HEATR4: variants seen among roughly 807,000 people sequenced by gnomAD.
HEATR4 encodes HEAT repeat-containing protein 4.
A neutral mutation model predicts 108.8 loss-of-function variants in HEATR4; 95 were observed. The observed-to-expected ratio is 0.87, with a 90% CI of 0.74 to 1.04. The LOEUF (loss-of-function observed/expected upper bound fraction) is 1.04, where lower values mean the gene tolerates loss of function less well. HEATR4 is among the 50% of genes least tolerant of loss of function. HEATR4 has a pLI of 0.00. For missense variants in HEATR4, 1,152 were observed against 1,253.8 expected (o/e 0.92, Z 1.23); for synonymous variants, 443 against 459.4 (o/e 0.96, Z 0.46).
intron 2 of HEATR4, among the ~76,000 whole-genome samples, chr14:73,523,462 G>A (rs1397688390): frequency 6.6e-6 from 1 of 152,142 alleles, no homozygotes; most frequent in Admixed American, 6.6e-5. Context: ...TCCGTGTGAG[G>A]GATGACTGCT....
Position 73,508,217 on chromosome 14 carries a change from T to A in HEATR4, c.1798A>T (p.Ile600Phe). 1.9e-6 allele frequency: 3 copies of A among 1,613,970 alleles called. No individual in the cohort carries two copies. The highest frequency in any genetic ancestry group is 1.1e-5 in the South Asian group (1 of 91,078). The change falls in exon 9 of 18, where the codon ATC (isoleucine) becomes TTC (phenylalanine). Residue 600 changes from isoleucine to phenylalanine, a missense_variant. Transcript: ENST00000553558. ...GTATYPVIKR[I>F]LHQLFTKKNE... is the part of the protein sequence containing the mutation. ...TTCTTTGTAAACAGCTGGTGGAGGATCCTCTTAATCACAGGGTAAGTAGCA... is the reference window on the plus strand; with the variant it reads ...TTCTTTGTAAACAGCTGGTGGAGGAACCTCTTAATCACAGGGTAAGTAGCA...
chr14:73,529,054 T>A (rs1269534129), intron 2 of HEATR4: 2 of 152,022 alleles, frequency 1.3e-5, no homozygotes, highest in Non-Finnish European at 2.9e-5. Context: ...GTACACAGCA[T>A]AAAAAATTAA....
intron 17 of HEATR4, among the ~76,000 whole-genome samples, chr14:73,479,460 C>T (rs1325732003): frequency 3.7e-5 from 4 of 108,824 alleles, no homozygotes; most frequent in Non-Finnish European, 7.0e-5. Context: ...TTTTTTGAGA[C>T]GGAGTTTCGC....
the HEATR4 span, among the ~76,000 whole-genome samples, chr14:73,629,186 C>A: frequency 1.3e-5 from 2 of 152,106 alleles, 1 homozygote; most frequent in South Asian, 4.1e-4. Flanking sequence ...CCACTGAAGT[C>A]TCAGATAATC....
chr14:73,597,371 A>C, the HEATR4 span, among the ~76,000 whole-genome samples: 11,220 of 151,904 alleles, frequency 0.074, 590 homozygotes, highest in Non-Finnish European at 0.11. Context: ...GGCGTGAGCC[A>C]CCATGCCCGG....
the HEATR4 span, among the ~76,000 whole-genome samples, chr14:73,602,516 A>G: frequency 5.3e-5 from 8 of 152,102 alleles, no homozygotes; most frequent in African/African-American, 1.4e-4. Flanking sequence ...TTTTTGCCTA[A>G]TAAATACAGA....
chr14:73,583,925 C>T, the HEATR4 span, among the ~76,000 whole-genome samples: 1 of 151,798 alleles, frequency 6.6e-6, no homozygotes, highest in African/African-American at 2.4e-5. Context: ...GCTCGAACCC[C>T]GGGAGGCCGA....
At chr14:73,583,537 A>AGGT in the HEATR4 span, among the ~76,000 whole-genome samples, 1 of 128,068 alleles carries the variant, frequency 7.8e-6, no homozygotes, top group Non-Finnish European at 1.7e-5. Flanking sequence ...TAGGAATGTC[A>AGGT]GGTGATGGTT....
At chr14:73,585,932 C>G in the HEATR4 span, among the ~76,000 whole-genome samples, 1 of 140,932 alleles carries the variant, frequency 7.1e-6, no homozygotes, top group Non-Finnish European at 1.5e-5. Flanking sequence ...CTGCTTGAAC[C>G]TGGGAGGTGG....
Position 73,478,591 on chromosome 14 carries a change from A to C in HEATR4, c.*15T>G. The stretch of plus-strand genomic sequence containing the variant: ...CCACTGCTTCCTGCATCTTGAAGTA[A>C]GACAAGTGTTCAGCTTAGAGATGAG... On this transcript the variant is annotated 3_prime_UTR_variant, in exon 18 of 18. Coordinates refer to ENST00000553558, the MANE Select transcript of HEATR4 (RefSeq NM_001220484.1). 1 of 1,555,578 alleles carries C rather than the reference A, an allele frequency of 6.4e-7. No homozygotes were observed. Among genetic ancestry groups the C allele is most frequent in the Non-Finnish European group, 8.9e-7 (1 of 1,128,452 alleles).
At position 73,531,602 on chromosome 14, in the gene HEATR4, T is replaced by C. The variant is rs1415010590; in HGVS notation, c.-151-1358A>G. Among the ~76,000 whole-genome samples, 30 of 104,134 alleles carry C rather than the reference T, an allele frequency of 2.9e-4. 9 individuals carry two copies. Among genetic ancestry groups the C allele is most frequent in the Non-Finnish European group, 5.3e-4 (26 of 48,922 alleles). 68.3% of individuals were successfully genotyped at this position (104,134 alleles called of 152,430 possible). ...TGTTGTACTTTTAGTAGAGATGGGG[T>C]TTCACCATATTGGCCAGGCTGTTCT... On this transcript the variant is annotated intron_variant, in intron 1 of 17. Coordinates refer to ENST00000553558, the MANE Select transcript of HEATR4 (RefSeq NM_001220484.1).
chr14:73,574,948 G>C, the HEATR4 span: 2 of 1,604,576 alleles, frequency 1.2e-6, no homozygotes, highest in East Asian at 2.2e-5. Flanking sequence ...ATTTCCAAAG[G>C]GGGTGAGCTC....
chr14:73,494,435 G>A (rs553186838), intron 16 of HEATR4, among the ~76,000 whole-genome samples: 28 of 152,284 alleles, frequency 1.8e-4, no homozygotes, highest in Non-Finnish European at 3.8e-4. Flanking sequence ...TGTTATTTAA[G>A]GTTGAGAACT....
In HEATR4 at chr14:73,546,772, C is replaced by T. The variant is rs1250735887; in HGVS notation, c.-152+11979G>A. Among the ~76,000 whole-genome samples the T allele has an allele frequency of 1.9e-4, 21 of 111,608 alleles. 5 individuals carry two copies. The highest frequency in any genetic ancestry group is 5.9e-4 in the African/African-American group (21 of 35,662). 73.2% of individuals were successfully genotyped at this position (111,608 alleles called of 152,430 possible). ...GAAAAGTTCATTAAACTAACATGCT[C>T]CATAATGATTCACTTATTTATTTGA... is the stretch of plus-strand genomic sequence containing the variant. On this transcript the variant is annotated intron_variant, in intron 1 of 17. Transcript: ENST00000553558.
chr14:73,517,949 G>A (rs1038535672), intron 5 of HEATR4, among the ~76,000 whole-genome samples: 3 of 152,036 alleles, frequency 2.0e-5, no homozygotes, highest in African/African-American at 7.2e-5. Flanking sequence ...AGCTGGGTGT[G>A]GTGGCGCGCA....
chr14:73,632,755 A>G, the HEATR4 span, among the ~76,000 whole-genome samples: 5 of 150,846 alleles, frequency 3.3e-5, no homozygotes, highest in East Asian at 8.0e-4. Context: ...GAGGTAGGAG[A>G]ATCACTTGAA....
chr14:73,601,758 A>T, the HEATR4 span, among the ~76,000 whole-genome samples: 1 of 152,148 alleles, frequency 6.6e-6, no homozygotes, highest in Admixed American at 6.5e-5. Flanking sequence ...GTCCTCTTGA[A>T]TACCAGTTAT....
the HEATR4 span, among the ~76,000 whole-genome samples, chr14:73,600,133 A>G: frequency 6.6e-6 from 1 of 152,150 alleles, no homozygotes; most frequent in Non-Finnish European, 1.5e-5. Context: ...GATAACTCCT[A>G]TAGACAGTCC....
intron 17 of HEATR4, among the ~76,000 whole-genome samples, chr14:73,479,741 A>AT (rs1001630820): frequency 6.6e-6 from 1 of 150,834 alleles, no homozygotes; most frequent in African/African-American, 2.4e-5. Flanking sequence ...CGCCCAGCTA[A>AT]TTTTTTTGTA....
Sources: gnomAD v4.1 joint callset for allele counts (sites outside exome capture counted in the v4.1 genomes callset) on GRCh38, gnomAD v4.1.1 for gene constraint, MANE v1.5 for transcripts, NCBI Gene and HGNC (gene_info 2026-07-23, HGNC 2026-07-21) for gene names.